KPNA1: variants seen among roughly 807,000 people sequenced by gnomAD.
The protein encoded by KPNA1 is importin subunit alpha-5.
In KPNA1, 10 loss-of-function variants were observed where a neutral mutation model predicts 70.5. The ratio of observed to expected loss-of-function variants is 0.14; its 90% CI spans 0.09 to 0.24. KPNA1 has a LOEUF of 0.24. Ranked by LOEUF, KPNA1 falls within the 10% of genes least tolerant of loss-of-function variation. KPNA1 has a pLI of 1.00. For synonymous variants in KPNA1, 192 were observed against 221.9 expected (o/e 0.87, Z 1.20); for missense variants, 397 against 637.9 (o/e 0.62, Z 4.07).
chr3:122,462,226 CA>C (rs61230809), intron 4 of KPNA1, among the ~76,000 whole-genome samples: 19,567 of 150,404 alleles, frequency 0.13, 1,323 homozygotes, highest in Middle Eastern at 0.27. Context: ...ACAACAACAA[CA>C]AAAAAAAACA....
At chr3:122,479,709 GA>G (rs1432663602) in intron 2 of KPNA1, among the ~76,000 whole-genome samples, 1 of 152,064 alleles carries the variant, frequency 6.6e-6, no homozygotes, top group Non-Finnish European at 1.5e-5. Flanking sequence ...GCAGTGAACC[GA>G]AATCATGCCA....
At chr3:122,435,816 T>C (rs1224106702) in intron 11 of KPNA1, among the ~76,000 whole-genome samples, 4 of 152,194 alleles carry the variant, frequency 2.6e-5, no homozygotes, top group Non-Finnish European at 5.9e-5. Context: ...GTCATCTTCA[T>C]TAAGCTGAGG....
intron 4 of KPNA1, 55 bp downstream of exon 4, chr3:122,463,887 G>A (rs1459534260): frequency 5.3e-6 from 5 of 941,848 alleles, no homozygotes; most frequent in Non-Finnish European, 8.3e-6. Context: ...ACAGACTATG[G>A]GAAAGTAATT....
At chr3:122,490,121 CA>C (rs2076680711) in intron 2 of KPNA1, among the ~76,000 whole-genome samples, 1 of 152,254 alleles carries the variant, frequency 6.6e-6, no homozygotes, top group South Asian at 2.1e-4. Context: ...ATGTGCTAAT[CA>C]GCATTCTGCT....
chr3:122,503,095 T>A (rs901573015), intron 1 of KPNA1, among the ~76,000 whole-genome samples: 1 of 151,922 alleles, frequency 6.6e-6, no homozygotes, highest in East Asian at 1.9e-4. Context: ...AAAAAAAGAT[T>A]CGTTAAGTTT....
rs199518661 is a variant in KPNA1, at chr3:122,503,168, A to ATT, written c.-5-6600_-5-6599dup. ...ACTCCAACAAAACCAAAAACCTAAA[A>ATT]TTAGACTTAAGGAAGTAACTTAGAG... On this transcript the variant is annotated intron_variant, in intron 1 of 13. Coordinates refer to ENST00000344337, the MANE Select transcript of KPNA1 (RefSeq NM_002264.4). Among the ~76,000 whole-genome samples, 1,311 of 152,270 alleles carry ATT rather than the reference A, an allele frequency of 8.6e-3. 6 individuals carry two copies. The highest frequency in any genetic ancestry group is 0.013 in the Non-Finnish European group (913 of 68,004).
intron 2 of KPNA1, among the ~76,000 whole-genome samples, chr3:122,485,797 G>A (rs562893583): frequency 2.0e-5 from 3 of 152,038 alleles, no homozygotes; most frequent in East Asian, 1.9e-4. Flanking sequence ...TTAAATGTTC[G>A]CACCACAAAG....
chr3:122,503,349 C>T (rs72960428), intron 1 of KPNA1, among the ~76,000 whole-genome samples: 2,500 of 152,192 alleles, frequency 0.016, 69 homozygotes, highest in African/African-American at 0.058. Context: ...TAGGAAGTCT[C>T]GTGCACTTCT....
intron 2 of KPNA1, among the ~76,000 whole-genome samples, chr3:122,480,698 C>A (rs2076561664): frequency 6.6e-6 from 1 of 151,792 alleles, no homozygotes; most frequent in Admixed American, 6.6e-5. Context: ...TTTAAAAAAA[C>A]CATTGAGGCC....
chr3:122,430,294 C>A (rs1358110725), intron 12 of KPNA1, among the ~76,000 whole-genome samples: 1 of 152,046 alleles, frequency 6.6e-6, no homozygotes, highest in East Asian at 1.9e-4. Flanking sequence ...TTATGTATAG[C>A]TGACATCTGT....
At chr3:122,497,218 T>C (rs984568332) in intron 1 of KPNA1, among the ~76,000 whole-genome samples, 10 of 152,234 alleles carry the variant, frequency 6.6e-5, no homozygotes, top group Non-Finnish European at 1.5e-4. Flanking sequence ...TTCTTTCACT[T>C]AGCATGTTTT....
Position 122,461,084 on chromosome 3 carries a change from T to C in KPNA1, c.432+140A>G, listed in dbSNP as rs1364085704. Reference sequence around the variant, plus strand: ...ATGTTAACAAAGCTATGAAAGCAGCTTGCAATGTAGTTGTCAGGAATATCA... The same window carrying C: ...ATGTTAACAAAGCTATGAAAGCAGCCTGCAATGTAGTTGTCAGGAATATCA... On this transcript the variant is annotated intron_variant, in intron 5 of 13. Coordinates refer to ENST00000344337, the MANE Select transcript of KPNA1 (RefSeq NM_002264.4). 2.4e-5 allele frequency: 12 copies of C among 502,780 alleles called. No individual in the cohort carries two copies. The East Asian group carries it at 3.5e-4, about 15-fold the overall frequency. 31.1% of individuals were successfully genotyped at this position (502,780 alleles called of 1,614,324 possible). A position where few individuals can be genotyped will look rare whatever the true frequency, so the allele number is the denominator to read the frequency against.
At chr3:122,504,325 A>G (rs947374089) in intron 1 of KPNA1, among the ~76,000 whole-genome samples, 6 of 152,174 alleles carry the variant, frequency 3.9e-5, no homozygotes, top group African/African-American at 1.4e-4. Flanking sequence ...GTATTCACAT[A>G]GCAGAAGGGG....
At chr3:122,483,705 T>C (rs868346566) in intron 2 of KPNA1, among the ~76,000 whole-genome samples, 5 of 152,180 alleles carry the variant, frequency 3.3e-5, no homozygotes, top group Non-Finnish European at 7.3e-5. Context: ...TCTAGAAACA[T>C]TTTTAAAAGG....
intron 2 of KPNA1, chr3:122,482,991 G>C (rs930797221): frequency 6.5e-6 from 1 of 152,718 alleles, no homozygotes; most frequent in Admixed American, 6.6e-5. Flanking sequence ...CAAAGAGGAA[G>C]GAAGGTCAGC....
intron 1 of KPNA1, among the ~76,000 whole-genome samples, chr3:122,501,998 T>C (rs1438520986): frequency 1.3e-5 from 2 of 152,224 alleles, no homozygotes; most frequent in African/African-American, 4.8e-5. Context: ...AAAAGCTGCA[T>C]AAATAATTAC....
intron 5 of KPNA1, chr3:122,457,709 G>C: frequency 1.6e-6 from 2 of 1,280,688 alleles, no homozygotes; most frequent in Non-Finnish European, 2.0e-6. Flanking sequence ...AGAATCCAAA[G>C]CTGAAGTACT....
intron 3 of KPNA1, among the ~76,000 whole-genome samples, chr3:122,466,463 G>GTGTACACATATATATATA (rs994140011): frequency 6.6e-6 from 1 of 151,610 alleles, no homozygotes; most frequent in Admixed American, 6.6e-5. Context: ...AACTGTGTGT[G>GTGTACACATATATATATA]TGTACACATA....
chr3:122,452,889 A>G (rs965880839), intron 6 of KPNA1, among the ~76,000 whole-genome samples: 1 of 152,168 alleles, frequency 6.6e-6, no homozygotes, highest in African/African-American at 2.4e-5. Flanking sequence ...ACATAAGAAA[A>G]CAGTGAACAA....
Sources: allele counts gnomAD v4.1 joint callset (sites outside exome capture counted in the v4.1 genomes callset), GRCh38; gene constraint gnomAD v4.1.1; transcripts MANE v1.5; gene names NCBI Gene and HGNC (gene_info 2026-07-23, HGNC 2026-07-21).